Variants in SYNPR observed in about 807,000 individuals in gnomAD.
SYNPR encodes the protein synaptoporin.
A neutral mutation model predicts 32.9 loss-of-function variants in SYNPR; 23 were observed. That is an observed-to-expected ratio of 0.70 (90% CI 0.50 to 0.99). The LOEUF is 0.99. Among genes scored for constraint, SYNPR ranks in the 50% least tolerant of loss-of-function variants. SYNPR has a pLI of 0.00. For missense variants in SYNPR, 318 were observed against 349.3 expected (o/e 0.91, Z 0.71); for synonymous variants, 146 against 135.9 (o/e 1.07, Z -0.52).
chr3:63,356,167 T>C (rs976911482), intron 2 of SYNPR, among the ~76,000 whole-genome samples: 1 of 152,226 alleles, frequency 6.6e-6, no homozygotes. Flanking sequence ...TTTGTGGAAG[T>C]CCAGAAGCTC....
chr3:63,308,066 G>T (rs906454345), intron 2 of SYNPR, among the ~76,000 whole-genome samples: 1 of 152,128 alleles, frequency 6.6e-6, no homozygotes, highest in South Asian at 2.1e-4. Flanking sequence ...AAGAGGGTCT[G>T]GGTATGAATT....
chr3:63,286,550 T>C (rs9862530), intron 2 of SYNPR, among the ~76,000 whole-genome samples: 70,062 of 151,546 alleles, frequency 0.46, 16,309 homozygotes, highest in Middle Eastern at 0.51. Context: ...TTCTTTGTTC[T>C]GCAGACGACC....
In SYNPR at chr3:63,410,850, G is replaced by T. The variant is rs1362888002; in HGVS notation, c.85-69982G>T. ...CCTGACTTTGAGGAGGACAGTGATG[G>T]TTGGGTTGAGTGCCTGACTTATGAG... is the stretch of plus-strand genomic sequence containing the variant. On this transcript the variant is annotated intron_variant, in intron 2 of 5. Transcript: ENST00000478300. 5.3e-5 allele frequency among the ~76,000 whole-genome samples: 8 copies of T among 152,164 alleles called. No individual in the cohort carries two copies. The East Asian group carries it at 5.8e-4, about 11-fold the overall frequency.
chr3:63,494,404 T>TATATATCTACAC (rs1701317673), intron 3 of SYNPR, among the ~76,000 whole-genome samples: 1 of 102,446 alleles, frequency 9.8e-6, no homozygotes, highest in African/African-American at 3.9e-5. Context: ...TATATATATA[T>TATATATCTACAC]ATATATATAT....
intron 2 of SYNPR, among the ~76,000 whole-genome samples, chr3:63,337,184 A>G (rs950951910): frequency 3.2e-5 from 4 of 126,476 alleles, no homozygotes; most frequent in African/African-American, 1.2e-4. Flanking sequence ...GTGAGCAAAG[A>G]TTGTGCCACT....
In SYNPR at chr3:63,347,579, C is replaced by T. The variant is rs551456689; in HGVS notation, c.84+68837C>T. 4.6e-5 allele frequency among the ~76,000 whole-genome samples: 7 copies of T among 152,200 alleles called. No individual in the cohort carries two copies. In the South Asian group the frequency reaches 1.5e-3, roughly 32 times the overall value. On this transcript the variant is annotated intron_variant, in intron 2 of 5. Coordinates refer to ENST00000478300, the MANE Select transcript of SYNPR (RefSeq NM_001130003.2). ...GTCTGGGCTTTCAGGGTAACCATTA[C>T]CTGGATAGTGTACATTGTACCTATT...
chr3:63,558,314 T>C (rs1003360943), intron 4 of SYNPR, among the ~76,000 whole-genome samples: 3 of 152,198 alleles, frequency 2.0e-5, no homozygotes, highest in African/African-American at 7.2e-5. Context: ...CATCTAAGAA[T>C]TGTAAATTTT....
intron 2 of SYNPR, among the ~76,000 whole-genome samples, chr3:63,388,649 T>C (rs2088089859): frequency 6.6e-6 from 1 of 151,558 alleles, no homozygotes; most frequent in Non-Finnish European, 1.5e-5. Context: ...CTTGATCTTC[T>C]GACTTCATGA....
intron 2 of SYNPR, among the ~76,000 whole-genome samples, chr3:63,442,093 T>G (rs1700188314): frequency 6.6e-6 from 1 of 151,902 alleles, no homozygotes; most frequent in Non-Finnish European, 1.5e-5. Flanking sequence ...ACCAAGTTGT[T>G]ACTGTGTGTA....
chr3:63,610,350 A>G (rs1281231314), intron 5 of SYNPR: 14 of 479,144 alleles, frequency 2.9e-5, no homozygotes, highest in Admixed American at 6.8e-5. Flanking sequence ...CATAAGCTAT[A>G]ATGGCAGCAA....
intron 2 of SYNPR, among the ~76,000 whole-genome samples, chr3:63,286,242 G>A (rs1345581183): frequency 2.0e-5 from 3 of 152,190 alleles, no homozygotes; most frequent in Non-Finnish European, 2.9e-5. Context: ...GAACCTAAAC[G>A]AGAACGTCTA....
intron 2 of SYNPR, among the ~76,000 whole-genome samples, chr3:63,342,896 G>T (rs1168433405): frequency 6.6e-6 from 1 of 152,074 alleles, no homozygotes; most frequent in Non-Finnish European, 1.5e-5. Flanking sequence ...AGAATTTATG[G>T]GTTGAAAGTT....
At chr3:63,279,409 A>G (rs1055072296) in intron 2 of SYNPR, among the ~76,000 whole-genome samples, 1 of 152,104 alleles carries the variant, frequency 6.6e-6, no homozygotes, top group Non-Finnish European at 1.5e-5. Context: ...CCTGTTTGCC[A>G]TGGCTTTCTT....
At chr3:63,376,036 C>T (rs1560209620) in intron 2 of SYNPR, among the ~76,000 whole-genome samples, 1 of 152,150 alleles carries the variant, frequency 6.6e-6, no homozygotes, top group Non-Finnish European at 1.5e-5. Flanking sequence ...GCCTTGGTTT[C>T]TCTTCTGTTT....
Position 63,367,325 on chromosome 3 carries a change from C to G in SYNPR, c.84+88583C>G, listed in dbSNP as rs74968845. 7.3e-3 allele frequency among the ~76,000 whole-genome samples: 1,078 copies of G among 146,790 alleles called. 19 individuals are homozygous for G. Among genetic ancestry groups the G allele is most frequent in the East Asian group, 0.057 (276 of 4,856 alleles). The stretch of plus-strand genomic sequence containing the variant: ...CATTCTGAAGTTTGGAAAATATCCT[C>G]TAAGCATCACTGTTGAATTATTTAT... On this transcript the variant is annotated intron_variant, in intron 2 of 5. Transcript: ENST00000478300.
chr3:63,227,511 T>G (rs532656734), upstream of SYNPR, among the ~76,000 whole-genome samples: 5 of 152,202 alleles, frequency 3.3e-5, no homozygotes, highest in Non-Finnish European at 7.4e-5. Context: ...ATAGGTATAT[T>G]TTTCTCACAC....
chr3:63,304,254 G>T (rs1377774178), intron 2 of SYNPR, among the ~76,000 whole-genome samples: 2 of 151,966 alleles, frequency 1.3e-5, no homozygotes, highest in African/African-American at 4.8e-5. Flanking sequence ...ACTAAGGGGA[G>T]AAAGAAAGAC....
intron 5 of SYNPR, among the ~76,000 whole-genome samples, chr3:63,611,104 T>G (rs1311718451): frequency 6.6e-6 from 1 of 152,192 alleles, no homozygotes. Context: ...TACCAATGTT[T>G]GTATGCATTA....
intron 2 of SYNPR, among the ~76,000 whole-genome samples, chr3:63,387,217 C>T (rs1012891981): frequency 5.9e-5 from 9 of 152,138 alleles, no homozygotes; most frequent in Non-Finnish European, 1.0e-4. Context: ...CAATTTTCAC[C>T]ATATCCATTC....
Sources: allele counts gnomAD v4.1 joint callset (sites outside exome capture counted in the v4.1 genomes callset), GRCh38; gene constraint gnomAD v4.1.1; transcripts MANE v1.5; gene names NCBI Gene and HGNC (gene_info 2026-07-23, HGNC 2026-07-21).